CCT6A: variants seen among roughly 807,000 people sequenced by gnomAD.
CCT6A encodes chaperonin containing TCP1 subunit 6A.
A neutral mutation model predicts 58.6 loss-of-function variants in CCT6A; 6 were observed. The ratio of observed to expected loss-of-function variants is 0.10; its 90% CI spans 0.06 to 0.20. The LOEUF is 0.20. Among genes scored for constraint, CCT6A ranks in the 10% least tolerant of loss-of-function variants. The probability of loss-of-function intolerance (pLI) is 1.00; values close to 1 mark genes in which losing one functional copy is unlikely to be tolerated. For missense variants in CCT6A, 516 were observed against 648.8 expected (o/e 0.80, Z 2.22); for synonymous variants, 245 against 227.8 (o/e 1.08, Z -0.68).
intron 13 of CCT6A, 76 bp downstream of exon 13, chr7:56,062,831 C>T (rs1265876627): frequency 2.1e-5 from 28 of 1,304,020 alleles, no homozygotes; most frequent in Non-Finnish European, 3.0e-5. Flanking sequence ...TTTAGTTGCT[C>T]CTTTCCCCCA....
intron 4 of CCT6A, 182 bp downstream of exon 4, chr7:56,055,979 C>G (rs1457623191): frequency 1.8e-6 from 1 of 545,244 alleles, no homozygotes. Context: ...TATACCTAAC[C>G]AGGTTATAAA....
chr7:56,052,152 C>G (rs935832481), intron 1 of CCT6A, among the ~76,000 whole-genome samples, 167 bp downstream of exon 1: 1 of 152,142 alleles, frequency 6.6e-6, no homozygotes, highest in African/African-American at 2.4e-5. Context: ...CCGTCCCGGC[C>G]ATTTCTTCCC....
At chr7:56,054,778 G>GT (rs1484988035) in intron 3 of CCT6A, among the ~76,000 whole-genome samples, 3 of 152,002 alleles carry the variant, frequency 2.0e-5, no homozygotes, top group Non-Finnish European at 4.4e-5. Context: ...AAAATGGAAT[G>GT]TTTAGGACTA....
At chr7:56,062,297 T>A (rs1794464116) in intron 12 of CCT6A, among the ~76,000 whole-genome samples, 1 of 152,114 alleles carries the variant, frequency 6.6e-6, no homozygotes, top group Admixed American at 6.6e-5. Context: ...CAACACAAAT[T>A]AAGTACAAAG....
chr7:56,062,798 C>CT, intron 13 of CCT6A, 43 bp downstream of exon 13: 1 of 1,505,278 alleles, frequency 6.6e-7, no homozygotes, highest in Non-Finnish European at 9.2e-7. Flanking sequence ...GAGAATCATA[C>CT]TTTTTTCATT....
chr7:56,054,249 A>G, intron 2 of CCT6A, 120 bp from the exon 3 acceptor site: 1 of 737,596 alleles, frequency 1.4e-6, no homozygotes, highest in Non-Finnish European at 2.2e-6. Flanking sequence ...ATTTGTAGCC[A>G]ACATTTGGGT....
intron 11 of CCT6A, among the ~76,000 whole-genome samples, chr7:56,061,468 C>A (rs533691693): frequency 2.0e-5 from 3 of 147,772 alleles, no homozygotes; most frequent in Non-Finnish European, 4.5e-5. Context: ...CTCAGCCTCT[C>A]GAGTAGCTGG....
rs1269417879 is a variant in CCT6A at position 56,061,661 on chromosome 7, CTTTTTTCT to C, written c.1348-79_1348-72del. 5.1e-5 allele frequency: 30 copies of C among 591,618 alleles called. No homozygotes were observed. In the African/African-American group the frequency reaches 7.7e-4, roughly 15 times the overall value. The allele number at this position is 591,618 out of a possible 1,614,324, so 36.6% of individuals were successfully genotyped here. A position where few individuals can be genotyped will look rare whatever the true frequency, so the allele number is the denominator to read the frequency against. On this transcript the variant is annotated intron_variant, in intron 11 of 13. Coordinates refer to ENST00000275603, the MANE Select transcript of CCT6A (RefSeq NM_001762.4). The stretch of plus-strand genomic sequence containing the variant: ...TGCACCAGGCCGAGATTTTCTTTTT[CTTTTTTCT>C]TTTTTTTTTTTTTTTTTTTTTTTTT...
At chr7:56,060,239 T>A (rs779443890) in intron 9 of CCT6A, 30 bp from the exon 10 acceptor site, 1 of 1,601,614 alleles carries the variant, frequency 6.2e-7, no homozygotes, top group Non-Finnish European at 8.6e-7. Flanking sequence ...CAAATCCTGT[T>A]TTTGAAAATC....
chr7:56,051,788 G>T lies in CCT6A; in HGVS notation c.-61G>T, dbSNP rs578186989. 2.0e-6 allele frequency: 3 copies of T among 1,532,500 alleles called. No homozygotes were observed. Among genetic ancestry groups the T allele is most frequent in the African/African-American group, 1.4e-5 (1 of 70,486 alleles). 94.9% of individuals were successfully genotyped at this position (1,532,500 alleles called of 1,614,324 possible). A position where few individuals can be genotyped will look rare whatever the true frequency, so the allele number is the denominator to read the frequency against. On this transcript the variant is annotated 5_prime_UTR_variant, in exon 1 of 14. Coordinates refer to ENST00000275603, the MANE Select transcript of CCT6A (RefSeq NM_001762.4). ...CCAGAAGACCCGGATAGTTCCTCCC[G>T]GCCACGCCGCGCCGGCTCTGGGCAC...
Position 56,059,528 on chromosome 7 carries a change from TAA to T in CCT6A, c.969-13_969-12del. On this transcript the variant is annotated splice_polypyrimidine_tract_variant and intron_variant, in intron 8 of 13. Transcript: ENST00000275603. The stretch of plus-strand genomic sequence containing the variant: ...GGTAACGTTGCTTATCCATCTCCCT[TAA>T]AATGCTATTTCAGGCTGACTCTTGC... 6.8e-7 allele frequency: 1 copy of T among 1,467,036 alleles called. No individual in the cohort carries two copies. The highest frequency in any genetic ancestry group is 9.6e-7 in the Non-Finnish European group (1 of 1,045,900). The allele number at this position is 1,467,036 out of a possible 1,614,324, so 90.9% of individuals were successfully genotyped here.
chr7:56,060,859 G>T lies in CCT6A; in HGVS notation c.1266G>T (p.Leu422=), dbSNP rs764491254. 10 of 1,613,608 alleles carry T rather than the reference G, an allele frequency of 6.2e-6. No individual in the cohort carries two copies. The highest frequency in any genetic ancestry group is 7.6e-6 in the Non-Finnish European group (9 of 1,180,010). Reference sequence around the variant, plus strand: ...TGGAAGTGGCAATGGCAGAAGCCCTGATTAAACATAAGCCCAGTGTAAAGG... The same window carrying T: ...TGGAAGTGGCAATGGCAGAAGCCCTTATTAAACATAAGCCCAGTGTAAAGG... ...GAVEVAMAEA[L]IKHKPSVKGR... is the part of the protein sequence containing the mutation. Residue 422 remains leucine (L), a synonymous_variant, in exon 11 of 14, where the codon CTG becomes CTT. Transcript: ENST00000275603.
Position 56,052,002 on chromosome 7 carries a change from C to T in CCT6A, c.137+17C>T. The T allele has an allele frequency of 6.8e-7, 1 of 1,476,926 alleles. No individual in the cohort carries two copies. Among genetic ancestry groups the T allele is most frequent in the Non-Finnish European group, 9.0e-7 (1 of 1,113,572 alleles). The allele number at this position is 1,476,926 out of a possible 1,614,324, so 91.5% of individuals were successfully genotyped here. The stretch of plus-strand genomic sequence containing the variant: ...CATGAAGATGTAAGGCGGGGCTGAA[C>T]CGGAGGGCCGGGCGGGCACCGCGCG... On this transcript the variant is annotated intron_variant, in intron 1 of 13. Transcript: ENST00000275603.
chr7:56,062,980 A>G, intron 13 of CCT6A, 33 bp from the exon 14 acceptor site: 1 of 1,521,716 alleles, frequency 6.6e-7, no homozygotes, highest in Non-Finnish European at 9.1e-7. Context: ...GCTCCTAATC[A>G]TCTGAGCCAT....
chr7:56,056,327 T>A lies in CCT6A; in HGVS notation c.527T>A (p.Ile176Asn), dbSNP rs1231571578. 6 of 1,570,350 alleles carry A rather than the reference T, an allele frequency of 3.8e-6. No homozygotes were observed. The highest frequency in any genetic ancestry group is 5.3e-6 in the Non-Finnish European group (6 of 1,140,160). ...DVLTEAVVDSILAIKKQDEPI... is the reference protein window; with the variant it reads ...DVLTEAVVDSNLAIKKQDEPI... ...CAATTGCAGGCTGTAGTGGACTCCATTTTGGCCATTAAAAAGCAAGATGAA... is the reference window on the plus strand; with the variant it reads ...CAATTGCAGGCTGTAGTGGACTCCAATTTGGCCATTAAAAAGCAAGATGAA... The change falls in exon 5 of 14, where the codon ATT (isoleucine) becomes AAT (asparagine). Residue 176 changes from isoleucine (I) to asparagine (N), a missense_variant. Coordinates refer to ENST00000275603, the MANE Select transcript of CCT6A (RefSeq NM_001762.4).
chr7:56,063,249 A>T lies in CCT6A; in HGVS notation c.*164A>T. The T allele has an allele frequency of 1.6e-6, 1 of 618,162 alleles. No individual in the cohort carries two copies. The highest frequency in any genetic ancestry group is 2.7e-5 in the East Asian group (1 of 36,390). 38.3% of individuals were successfully genotyped at this position (618,162 alleles called of 1,614,324 possible). A position where few individuals can be genotyped will look rare whatever the true frequency, so the allele number is the denominator to read the frequency against. On this transcript the variant is annotated 3_prime_UTR_variant, in exon 14 of 14. Transcript: ENST00000275603. ...GTTGAAATTTGGAAGTTCTGAAATT[A>T]TAGTATTTTTAAAAATTGCACTGAA...
At chr7:56,059,509 G>A (rs768363496) in intron 8 of CCT6A, 35 bp from the exon 9 acceptor site, 4 of 1,040,376 alleles carry the variant, frequency 3.8e-6, no homozygotes, top group South Asian at 2.5e-5. Flanking sequence ...CACTGGTAAC[G>A]TTGCTTATCC....
chr7:56,060,350 ACACT>A lies in CCT6A; in HGVS notation c.1154_1157del (p.Thr385ArgfsTer6). The A allele has an allele frequency of 6.2e-7, 1 of 1,614,008 alleles. No individual in the cohort carries two copies. The highest frequency in any genetic ancestry group is 8.5e-7 in the Non-Finnish European group (1 of 1,179,868). On this transcript the variant is annotated frameshift_variant, in exon 10 of 14. Transcript: ENST00000275603. LOFTEE classifies it high-confidence loss of function. ...ATTGATCAAAGGACCAAATAAGCAC[ACACT>A]CACTCAGATCAAAGATGCAGTGAGG...
rs957014318 is a variant in CCT6A at position 56,063,950 on chromosome 7, C to T, written c.*865C>T. On this transcript the variant is annotated 3_prime_UTR_variant, in exon 14 of 14. Transcript: ENST00000275603. ...CTGTGTTTTGGGATGTCAGCAGTGG[C>T]CTGAAGTGAGTTGTGCAATAAATGT... 2 of 403,492 alleles carry T rather than the reference C, an allele frequency of 5.0e-6. No individual in the cohort carries two copies. The highest frequency in any genetic ancestry group is 8.8e-6 in the Non-Finnish European group (2 of 226,136). The allele number at this position is 403,492 out of a possible 1,614,324, so 25.0% of individuals were successfully genotyped here.
Sources: allele counts gnomAD v4.1 joint callset (sites outside exome capture counted in the v4.1 genomes callset), GRCh38; gene constraint gnomAD v4.1.1; transcripts MANE v1.5; gene names NCBI Gene and HGNC (gene_info 2026-07-23, HGNC 2026-07-21).